The following PTPRM variants were observed in gnomAD, a reference collection of about 807,000 sequenced individuals.
PTPRM encodes the protein receptor-type tyrosine-protein phosphatase mu.
PTPRM carries 47 observed loss-of-function variants against 186.7 expected under a neutral mutation model. That is an observed-to-expected ratio of 0.25 (90% CI 0.20 to 0.32). The LOEUF (loss-of-function observed/expected upper bound fraction) is 0.32. PTPRM is among the 10% of genes least tolerant of loss of function. The pLI is 1.00. For synonymous variants in PTPRM, 668 were observed against 674.9 expected (o/e 0.99, Z 0.16); for missense variants, 1,494 against 1,865.0 (o/e 0.80, Z 3.66).
chr18:7,587,175 A>G (rs1246129173), intron 1 of PTPRM, among the ~76,000 whole-genome samples: 2 of 152,202 alleles, frequency 1.3e-5, no homozygotes, highest in African/African-American at 4.8e-5. Flanking sequence ...TAATCGAATC[A>G]TTGTTAAAAT....
intron 7 of PTPRM, among the ~76,000 whole-genome samples, chr18:8,024,110 G>T (rs190841110): frequency 1.3e-4 from 20 of 152,110 alleles, no homozygotes; most frequent in Non-Finnish European, 2.1e-4. Context: ...ATCTCACATT[G>T]GTCTGTGTAT....
chr18:7,815,394 C>T (rs1391994291), intron 2 of PTPRM: 2 of 152,316 alleles, frequency 1.3e-5, no homozygotes, highest in African/African-American at 2.4e-5. Flanking sequence ...ATACCTTTGA[C>T]GCTTTGGGGG....
intron 1 of PTPRM, among the ~76,000 whole-genome samples, chr18:7,626,323 G>A (rs2038061702): frequency 6.6e-6 from 1 of 152,170 alleles, no homozygotes; most frequent in Non-Finnish European, 1.5e-5. Flanking sequence ...CATTTAAAAG[G>A]GTTTAATGAT....
At chr18:8,156,793 T>C (rs2093130586) in intron 14 of PTPRM, among the ~76,000 whole-genome samples, 1 of 152,100 alleles carries the variant, frequency 6.6e-6, no homozygotes, top group African/African-American at 2.4e-5. Context: ...CCAGCATGTC[T>C]TATTCTTTTC....
At chr18:8,293,325 A>T (rs1460500616) in intron 19 of PTPRM, among the ~76,000 whole-genome samples, 1 of 152,258 alleles carries the variant, frequency 6.6e-6, no homozygotes, top group Non-Finnish European at 1.5e-5. Flanking sequence ...TGATAACCAC[A>T]AATGCTGAAG....
intron 7 of PTPRM, among the ~76,000 whole-genome samples, chr18:7,967,197 C>G (rs1415046286): frequency 5.8e-5 from 2 of 34,354 alleles, no homozygotes; most frequent in Non-Finnish European, 1.6e-4. Flanking sequence ...CAGGGGCACA[C>G]TGACACCTCA....
At chr18:7,795,104 C>T (rs1224209215) in intron 2 of PTPRM, among the ~76,000 whole-genome samples, 1 of 152,226 alleles carries the variant, frequency 6.6e-6, no homozygotes, top group East Asian at 1.9e-4. Context: ...AGAGCTGATT[C>T]ACGGGCTTCA....
chr18:8,170,357 A>G (rs1475792049), intron 14 of PTPRM, among the ~76,000 whole-genome samples: 1 of 152,176 alleles, frequency 6.6e-6, no homozygotes, highest in Admixed American at 6.5e-5. Context: ...CCGCACAGTT[A>G]TAGTCAGTTA....
chr18:7,934,979 T>C (rs781639947), intron 5 of PTPRM, among the ~76,000 whole-genome samples: 5 of 152,220 alleles, frequency 3.3e-5, no homozygotes, highest in Non-Finnish European at 7.3e-5. Context: ...TTTCGTGTTA[T>C]GGATATATGC....
chr18:8,245,561 T>C (rs539753475), intron 15 of PTPRM, among the ~76,000 whole-genome samples: 1 of 152,330 alleles, frequency 6.6e-6, no homozygotes, highest in Admixed American at 6.5e-5. Context: ...TTTAAAAATA[T>C]GTATGTATAA....
intron 7 of PTPRM, among the ~76,000 whole-genome samples, chr18:7,980,256 C>G (rs913011096): frequency 1.3e-5 from 2 of 152,158 alleles, no homozygotes; most frequent in African/African-American, 4.8e-5. Flanking sequence ...TCCTAGGTGT[C>G]TTGGTGTTTC....
chr18:8,222,449 A>G (rs890381511), intron 14 of PTPRM, among the ~76,000 whole-genome samples: 1 of 152,212 alleles, frequency 6.6e-6, no homozygotes, highest in African/African-American at 2.4e-5. Context: ...TCTGTCAAGC[A>G]TATGAGGAAA....
At chr18:8,026,660 C>T (rs772272739) in intron 7 of PTPRM, among the ~76,000 whole-genome samples, 2 of 152,152 alleles carry the variant, frequency 1.3e-5, no homozygotes, top group Non-Finnish European at 2.9e-5. Context: ...AGTTCAAGAC[C>T]AGCCTGGCCA....
At chr18:7,934,006 ACTTCT>A (rs1274232373) in intron 5 of PTPRM, among the ~76,000 whole-genome samples, 3 of 152,134 alleles carry the variant, frequency 2.0e-5, no homozygotes, top group Non-Finnish European at 2.9e-5. Context: ...CTGTCATGAA[ACTTCT>A]GTCCTAATTC....
chr18:8,026,047 CA>C (rs1490486086), intron 7 of PTPRM, among the ~76,000 whole-genome samples: 2 of 152,162 alleles, frequency 1.3e-5, no homozygotes, highest in Admixed American at 1.3e-4. Flanking sequence ...GCTCAAAGCC[CA>C]AAGAGTAAAT....
chr18:7,946,927 G>GCT (rs2052564888), intron 5 of PTPRM: 1 of 456,136 alleles, frequency 2.2e-6, no homozygotes, highest in Non-Finnish European at 4.4e-6. Flanking sequence ...GCCTAGCCCA[G>GCT]CCCCTTCTTT....
chr18:8,234,912 GC>G (rs1197476427), intron 14 of PTPRM, among the ~76,000 whole-genome samples: 1 of 151,994 alleles, frequency 6.6e-6, no homozygotes, highest in Non-Finnish European at 1.5e-5. Flanking sequence ...TGTTGAACCA[GC>G]CTCCCATACC....
At position 8,143,715 on chromosome 18, in the gene PTPRM, G is replaced by A; in HGVS notation, c.2236G>A (p.Val746Ile). The change falls in exon 14 of 33, where the codon GTC (valine) becomes ATC (isoleucine). Residue 746 changes from valine to isoleucine, a missense_variant. By Grantham distance (29) the Val-to-Ile change is conservative. Transcript: ENST00000580170. ...AGACCATACAGTTAAAATTGCTGGAGTCATCGCGGGCATCTTGCTGTTCGT... is the reference window on the plus strand; with the variant it reads ...AGACCATACAGTTAAAATTGCTGGAATCATCGCGGGCATCTTGCTGTTCGT... Reference protein sequence around the residue: ...QTDHTVKIAGVIAGILLFVII... With the variant: ...QTDHTVKIAGIIAGILLFVII... 1.9e-6 allele frequency: 3 copies of A among 1,613,758 alleles called. No individual in the cohort carries two copies. The highest frequency in any genetic ancestry group is 2.5e-6 in the Non-Finnish European group (3 of 1,179,638).
intron 2 of PTPRM, among the ~76,000 whole-genome samples, chr18:7,878,522 T>C (rs577268995): frequency 6.6e-6 from 1 of 152,204 alleles, no homozygotes; most frequent in Admixed American, 6.5e-5. Context: ...TCTTTTGAAC[T>C]GTTTTTTAGG....
Sources: allele counts gnomAD v4.1 joint callset (sites outside exome capture counted in the v4.1 genomes callset), GRCh38; gene constraint gnomAD v4.1.1; transcripts MANE v1.5; gene names NCBI Gene and HGNC (gene_info 2026-07-23, HGNC 2026-07-21).